The following MSL2 variants were observed in gnomAD, a reference collection of about 807,000 sequenced individuals.
The protein encoded by MSL2 is MSL complex subunit 2.
A neutral mutation model predicts 35.8 loss-of-function variants in MSL2; 2 were observed. The observed-to-expected ratio is 0.06, with a 90% CI of 0.02 to 0.18. MSL2 has a LOEUF of 0.18. MSL2 is among the 10% of genes least tolerant of loss of function. The pLI is 1.00. For synonymous variants in MSL2, 296 were observed against 255.7 expected (o/e 1.16, Z -1.50); for missense variants, 523 against 706.7 (o/e 0.74, Z 2.95).
intron 1 of MSL2, among the ~76,000 whole-genome samples, chr3:136,173,365 ATT>A (rs1202871083): frequency 1.2e-4 from 18 of 152,130 alleles, no homozygotes; most frequent in African/African-American, 4.1e-4. Flanking sequence ...CCCACAGGTA[ATT>A]CAAGCTTAAC....
Position 136,165,916 on chromosome 3 carries a change from A to G in MSL2, c.143-13178T>C, listed in dbSNP as rs565535142. 1.9e-4 allele frequency among the ~76,000 whole-genome samples: 29 copies of G among 152,262 alleles called. 1 individual carries two copies. The South Asian group carries it at 4.1e-3, about 22-fold the overall frequency. ...AGTATAATGGAATTGTTCGTAACAC[A>G]AAGGATAAATACTTGAGGGGATTTT... On this transcript the variant is annotated intron_variant, in intron 1 of 1. Coordinates refer to ENST00000309993, the MANE Select transcript of MSL2 (RefSeq NM_018133.4).
chr3:136,170,561 C>G (rs1289011505), intron 1 of MSL2, among the ~76,000 whole-genome samples: 1 of 125,928 alleles, frequency 7.9e-6, no homozygotes, highest in Non-Finnish European at 1.6e-5. Flanking sequence ...TGTCGCCAGG[C>G]TGGAGTGCAG....
intron 1 of MSL2, among the ~76,000 whole-genome samples, chr3:136,164,836 C>A (rs111537351): frequency 4.6e-5 from 7 of 152,098 alleles, no homozygotes; most frequent in Non-Finnish European, 8.8e-5. Flanking sequence ...TATAGTTACA[C>A]ACACAAGTAC....
At chr3:136,183,166 G>A (rs1940417182) in intron 1 of MSL2, among the ~76,000 whole-genome samples, 2 of 150,788 alleles carry the variant, frequency 1.3e-5, no homozygotes, top group Non-Finnish European at 3.0e-5. Context: ...CAAGAAAGAA[G>A]CAGGAAAATA....
At chr3:136,159,292 A>C (rs934327207) in intron 1 of MSL2, among the ~76,000 whole-genome samples, 1 of 148,036 alleles carries the variant, frequency 6.8e-6, no homozygotes, top group Admixed American at 6.7e-5. Flanking sequence ...TATTACATTT[A>C]TGGTCAACCA....
rs1445222848 is a variant in MSL2, at chr3:136,151,949, A to G, written c.932T>C (p.Leu311Pro). Reference protein sequence around the residue: ...GPFLQLSSQSLSHNVFMSTSP... With the variant: ...GPFLQLSSQSPSHNVFMSTSP... ...GGTGGACATAAAAACATTATGGCTA[A>G]GAGACTGGGAAGAAAGCTGCAGAAA... The change falls in exon 2 of 2, where the codon CTT becomes CCT. Residue 311 changes from leucine to proline, a missense_variant. Leu to Pro is a moderately conservative substitution (Grantham distance 98, BLOSUM62 -3). Coordinates refer to ENST00000309993, the MANE Select transcript of MSL2 (RefSeq NM_018133.4). The surrounding 1 kb of genome is among the most constrained non-coding windows in gnomAD (Gnocchi z 5.2). 4 of 1,614,110 alleles carry G rather than the reference A, an allele frequency of 2.5e-6. No homozygotes were observed. The highest frequency in any genetic ancestry group is 3.4e-6 in the Non-Finnish European group (4 of 1,180,046).
rs1243118598 is a variant in MSL2 at position 136,150,349 on chromosome 3, A to G, written c.*798T>C. ...ATTTTAAGTAAATCCCAATTACTAA[A>G]TAAAATCTTTTTATAATTTTAAAAA... On this transcript the variant is annotated 3_prime_UTR_variant, in exon 2 of 2. Coordinates refer to ENST00000309993, the MANE Select transcript of MSL2 (RefSeq NM_018133.4). The G allele has an allele frequency of 6.6e-6, 1 of 152,446 alleles. No individual in the cohort carries two copies. Among genetic ancestry groups the G allele is most frequent in the Non-Finnish European group, 1.5e-5 (1 of 68,042 alleles). The allele number at this position is 152,446 out of a possible 1,614,324, so 9.4% of individuals were successfully genotyped here.
intron 1 of MSL2, among the ~76,000 whole-genome samples, chr3:136,189,312 A>C (rs576174352): frequency 6.8e-6 from 1 of 147,558 alleles, no homozygotes. Flanking sequence ...AAAATTAAAA[A>C]AAAAAAAAAA....
intron 1 of MSL2, among the ~76,000 whole-genome samples, chr3:136,153,353 G>GA (rs1483870962): frequency 6.6e-6 from 1 of 152,200 alleles, no homozygotes; most frequent in Non-Finnish European, 1.5e-5. Flanking sequence ...ATATGAGTAA[G>GA]AGAGATTTAG....
intron 1 of MSL2, among the ~76,000 whole-genome samples, chr3:136,194,216 A>G (rs930188522): frequency 3.9e-5 from 6 of 152,230 alleles, no homozygotes; most frequent in African/African-American, 1.4e-4. Context: ...GTTAACATTC[A>G]AATTATCACT....
chr3:136,176,953 A>C (rs1462781754), intron 1 of MSL2, among the ~76,000 whole-genome samples: 1 of 152,210 alleles, frequency 6.6e-6, no homozygotes, highest in Non-Finnish European at 1.5e-5. Flanking sequence ...GCTCAGGTCA[A>C]AGAGAAATGA....
rs1408210801 is a variant in MSL2, at chr3:136,150,338, C to T, written c.*809G>A. 6.6e-6 allele frequency: 1 copy of T among 152,128 alleles called. No individual in the cohort carries two copies. Among genetic ancestry groups the T allele is most frequent in the Non-Finnish European group, 1.5e-5 (1 of 67,998 alleles). 9.4% of individuals were successfully genotyped at this position (152,128 alleles called of 1,614,324 possible). Reference sequence around the variant, plus strand: ...ATTCCAAAATTATTTTAAGTAAATCCCAATTACTAAATAAAATCTTTTTAT... The same window carrying T: ...ATTCCAAAATTATTTTAAGTAAATCTCAATTACTAAATAAAATCTTTTTAT... On this transcript the variant is annotated 3_prime_UTR_variant, in exon 2 of 2. Transcript: ENST00000309993.
chr3:136,151,427 G>C lies in MSL2; in HGVS notation c.1454C>G (p.Ser485Cys), dbSNP rs1939362690. 1 of 1,614,190 alleles carries C rather than the reference G, an allele frequency of 6.2e-7. No homozygotes were observed. Among genetic ancestry groups the C allele is most frequent in the Non-Finnish European group, 8.5e-7 (1 of 1,180,036 alleles). The change falls in exon 2 of 2, where the codon TCT becomes TGT. Residue 485 changes from serine (S) to cysteine (C), a missense_variant. Transcript: ENST00000309993. This position sits in a 1 kb window ranked among gnomAD's most constrained non-coding sequence, Gnocchi z 5.2. Reference sequence around the variant, plus strand: ...ACAATCTAAGCAGGCTTTGCGGTTAGAGTAGCAAGGGCAGCGTTGGCCTCG... The same window carrying C: ...ACAATCTAAGCAGGCTTTGCGGTTACAGTAGCAAGGGCAGCGTTGGCCTCG... ...TCRGQRCPCY[S>C]NRKACLDCIC...
chr3:136,151,165 G>A lies in MSL2; in HGVS notation c.1716C>T (p.Asp572=), dbSNP rs1267130967. 2 of 1,613,382 alleles carry A rather than the reference G, an allele frequency of 1.2e-6. No homozygotes were observed. The highest frequency in any genetic ancestry group is 1.7e-5 in the Admixed American group (1 of 60,008). The change falls in exon 2 of 2, where the codon GAC becomes GAT. Residue 572 remains aspartate, a synonymous_variant. Coordinates refer to ENST00000309993, the MANE Select transcript of MSL2 (RefSeq NM_018133.4). This position sits in a 1 kb window ranked among gnomAD's most constrained non-coding sequence, Gnocchi z 5.2. ...CACTGATTTAACAGTCGAATCTCAT[G>A]TCTATAGCTTCATCCAAACTTTTAT... ...HDDKSLDEAI[D]MRFDC
chr3:136,156,969 TA>T (rs1313962672), intron 1 of MSL2, among the ~76,000 whole-genome samples: 1 of 152,210 alleles, frequency 6.6e-6, no homozygotes, highest in Non-Finnish European at 1.5e-5. Flanking sequence ...AACCGAGTGA[TA>T]AAACTACATA....
chr3:136,182,357 A>G (rs912108852), intron 1 of MSL2, among the ~76,000 whole-genome samples: 3 of 152,234 alleles, frequency 2.0e-5, no homozygotes, highest in African/African-American at 7.2e-5. Context: ...GAATAATCAG[A>G]TTTACTCTCC....
At chr3:136,193,892 G>A (rs931148787) in intron 1 of MSL2, among the ~76,000 whole-genome samples, 10 of 152,244 alleles carry the variant, frequency 6.6e-5, no homozygotes, top group Non-Finnish European at 1.5e-4. Flanking sequence ...CACCTCTTCT[G>A]CACCCATTCA....
At chr3:136,194,069 G>C (rs1187284800) in intron 1 of MSL2, among the ~76,000 whole-genome samples, 2 of 152,140 alleles carry the variant, frequency 1.3e-5, no homozygotes, top group Non-Finnish European at 2.9e-5. Flanking sequence ...CTAAACAAGT[G>C]GATCATCAAA....
chr3:136,185,349 T>G (rs1576374829), intron 1 of MSL2, among the ~76,000 whole-genome samples: 2 of 150,628 alleles, frequency 1.3e-5, no homozygotes, highest in Admixed American at 1.3e-4. Flanking sequence ...GCAAAAGTTA[T>G]GCTTTAATCC....
Sources: gnomAD v4.1 joint callset for allele counts (sites outside exome capture counted in the v4.1 genomes callset) on GRCh38, gnomAD v4.1.1 for gene constraint, Gnocchi (gnomAD v3.1) non-coding constraint, MANE v1.5 for transcripts, NCBI Gene and HGNC (gene_info 2026-07-23, HGNC 2026-07-21) for gene names.